Variants in IQGAP3 observed in about 807,000 individuals in gnomAD.
The protein encoded by IQGAP3 is IQ motif containing GTPase activating protein 3.
In IQGAP3, 165 loss-of-function variants were observed where a neutral mutation model predicts 208.2. The ratio of observed to expected loss-of-function variants is 0.79; its 90% CI spans 0.70 to 0.90. The LOEUF (loss-of-function observed/expected upper bound fraction) is 0.90. IQGAP3 is among the 40% of genes least tolerant of loss of function. The pLI, the probability that IQGAP3 is intolerant of heterozygous loss-of-function variation, is 0.00. For synonymous variants in IQGAP3, 703 were observed against 803.6 expected (o/e 0.87, Z 2.12); for missense variants, 1,811 against 2,043.1 (o/e 0.89, Z 2.19).
chr1:156,565,535 G>A (rs757627821), intron 4 of IQGAP3, among the ~76,000 whole-genome samples: 7 of 152,206 alleles, frequency 4.6e-5, no homozygotes, highest in Admixed American at 1.3e-4. Context: ...AGTTCACACA[G>A]ACCATGTGAT....
chr1:156,551,390 C>G (rs57042014), intron 15 of IQGAP3, among the ~76,000 whole-genome samples: 2,762 of 152,254 alleles, frequency 0.018, 45 homozygotes, highest in African/African-American at 0.044. Flanking sequence ...GTAGGACCAG[C>G]GTAGGCAGTA....
intron 12 of IQGAP3, among the ~76,000 whole-genome samples, chr1:156,555,666 T>C (rs761105290): frequency 6.6e-6 from 1 of 152,230 alleles, no homozygotes; most frequent in Admixed American, 6.5e-5. Context: ...TATTTAATCC[T>C]ATAGCCTGAG....
In IQGAP3 at chr1:156,533,001, T is replaced by C. The variant is rs758207580; in HGVS notation, c.4082A>G (p.Asn1361Ser). The change falls in exon 32 of 38, where the codon AAC (asparagine) becomes AGC (serine). Residue 1361 changes from asparagine (N) to serine (S), a missense_variant. Physicochemically the swap from Asn to Ser is conservative, Grantham distance 46 (BLOSUM62 1). Coordinates refer to ENST00000361170, the MANE Select transcript of IQGAP3 (RefSeq NM_178229.5). ...EGLEADADDS[N>S]TRSLLLSTKQ... Reference sequence around the variant, plus strand: ...CCACCTCAGAAGCAGGCTACGGGTGTTGGAGTCATCAGCATCTGCCTCTAG... The same window carrying C: ...CCACCTCAGAAGCAGGCTACGGGTGCTGGAGTCATCAGCATCTGCCTCTAG... The C allele has an allele frequency of 1.2e-6, 2 of 1,614,026 alleles. No homozygotes were observed. Among genetic ancestry groups the C allele is most frequent in the South Asian group, 1.1e-5 (1 of 91,074 alleles).
intron 2 of IQGAP3, among the ~76,000 whole-genome samples, chr1:156,568,260 G>A (rs962375814): frequency 1.3e-5 from 2 of 152,122 alleles, no homozygotes; most frequent in African/African-American, 4.8e-5. Flanking sequence ...TTTCACCCAG[G>A]CTGGAGTGCA....
In IQGAP3 at chr1:156,539,663, G is replaced by A; in HGVS notation, c.2893-126C>T. The A allele has an allele frequency of 1.2e-5, 14 of 1,206,692 alleles. No individual in the cohort carries two copies. The South Asian group carries it at 2.0e-4, about 17-fold the overall frequency. The allele number at this position is 1,206,692 out of a possible 1,614,324, so 74.7% of individuals were successfully genotyped here. A position where few individuals can be genotyped will look rare whatever the true frequency, so the allele number is the denominator to read the frequency against. On this transcript the variant is annotated intron_variant, in intron 24 of 37. Transcript: ENST00000361170. ...AAGCACTACCACACTTTCTCCAGGTGCTAGTAACATTCCAGACAAACAGGG... is the reference window on the plus strand; with the variant it reads ...AAGCACTACCACACTTTCTCCAGGTACTAGTAACATTCCAGACAAACAGGG...
chr1:156,563,956 C>T (rs1676285655), intron 5 of IQGAP3, 132 bp from the exon 6 acceptor site: 3 of 659,178 alleles, frequency 4.6e-6, no homozygotes, highest in Admixed American at 5.7e-5. Flanking sequence ...TCAAGTCATC[C>T]CCAACCCACA....
At position 156,537,306 on chromosome 1, in the gene IQGAP3, A is replaced by C. The variant is rs1429304484; in HGVS notation, c.3297T>G (p.Asp1099Glu). The C allele has an allele frequency of 1.2e-6, 2 of 1,613,080 alleles. No homozygotes were observed. Among genetic ancestry groups the C allele is most frequent in the Non-Finnish European group, 1.7e-6 (2 of 1,179,630 alleles). Residue 1099 changes from aspartate (D) to glutamate (E), a missense_variant, in exon 27 of 38, where the codon GAT (aspartate) becomes GAG (glutamate). Physicochemically the swap from Asp to Glu is conservative, Grantham distance 45. Coordinates refer to ENST00000361170, the MANE Select transcript of IQGAP3 (RefSeq NM_178229.5). ...QTGQRSHLPY[D>E]VTPEQALSHP... ...GGCTCAAGGCCTGCTCCGGGGTGAC[A>C]TCATATGGGAGATGGCTATGAGCAG...
intron 19 of IQGAP3, 143 bp from the exon 20 acceptor site, chr1:156,544,615 T>C (rs1675145906): frequency 2.9e-6 from 2 of 685,066 alleles, no homozygotes; most frequent in Non-Finnish European, 5.1e-6. Context: ...GGCCCTGTTC[T>C]CAAAGAACTT....
chr1:156,539,907 A>T lies in IQGAP3; in HGVS notation c.2823T>A (p.Gly941=), dbSNP rs77494039. The T allele has an allele frequency of 1.3e-3, 2,128 of 1,613,560 alleles. 24 individuals carry two copies. In the African/African-American group the frequency reaches 0.024, roughly 18 times the overall value. ...SDMMVLDKQK[G]LKSLSKEKRQ... ...GTTTCTCTTTGCTCAGCGACTTTAA[A>T]CCCTTCTGCTTGTCCAGAACCATCA... is the stretch of plus-strand genomic sequence containing the variant. Residue 941 remains glycine, a synonymous_variant, in exon 24 of 38, where the codon GGT becomes GGA. Coordinates refer to ENST00000361170, the MANE Select transcript of IQGAP3 (RefSeq NM_178229.5).
chr1:156,563,389 CTAA>C (rs1676253920), intron 7 of IQGAP3, 77 bp from the exon 8 acceptor site: 1 of 1,464,546 alleles, frequency 6.8e-7, no homozygotes, highest in East Asian at 2.3e-5. Context: ...GCAGCCCACT[CTAA>C]TGTCATCCTT....
At chr1:156,527,048 G>A (rs1171307909) in intron 37 of IQGAP3, among the ~76,000 whole-genome samples, 1 of 151,244 alleles carries the variant, frequency 6.6e-6, no homozygotes, top group Non-Finnish European at 1.5e-5. Context: ...GGCCAGGCTG[G>A]TCTTGAACTG....
At chr1:156,548,526 G>A (rs1675381469) in intron 17 of IQGAP3, 39 bp from the exon 18 acceptor site, 1 of 1,603,234 alleles carries the variant, frequency 6.2e-7, no homozygotes, top group Non-Finnish European at 8.5e-7. Context: ...GTTCAGAGCA[G>A]GCAAGGGGTG....
At chr1:156,559,697 AAG>A (rs1005094877) in intron 11 of IQGAP3, among the ~76,000 whole-genome samples, 1 of 152,202 alleles carries the variant, frequency 6.6e-6, no homozygotes, top group Non-Finnish European at 1.5e-5. Context: ...ACAGGACCAG[AAG>A]CCCGGTGATG....
At chr1:156,569,526 G>GTTTT (rs1676549089) in intron 1 of IQGAP3, 63 bp from the exon 2 acceptor site, 24 of 376,602 alleles carry the variant, frequency 6.4e-5, no homozygotes, top group South Asian at 4.2e-4. Flanking sequence ...GCACTGAAGG[G>GTTTT]TCTTTTTTTT....
chr1:156,568,055 G>T (rs185754002), intron 2 of IQGAP3, among the ~76,000 whole-genome samples: 3 of 152,224 alleles, frequency 2.0e-5, no homozygotes, highest in African/African-American at 4.8e-5. Context: ...AGCAGACATT[G>T]TATTCTTTCT....
rs11264496 is a variant in IQGAP3, at chr1:156,548,641, C to A, written c.1933G>T (p.Asp645Tyr). 1 of 1,611,994 alleles carries A rather than the reference C, an allele frequency of 6.2e-7. No homozygotes were observed. Among genetic ancestry groups the A allele is most frequent in the Non-Finnish European group, 8.5e-7 (1 of 1,178,774 alleles). ...PAVALRGVVPDCANGYQRALE... is the reference protein window; with the variant it reads ...PAVALRGVVPYCANGYQRALE... ...GCTCGCTGGTAGCCGTTGGCACAGT[C>A]GGGAACTACCCCTCGAAGGGCCACT... The change falls in exon 17 of 38, where the codon GAC becomes TAC. Residue 645 changes from aspartate (D) to tyrosine (Y), a missense_variant. Physicochemically the swap from Asp to Tyr is radical, Grantham distance 160. Transcript: ENST00000361170.
intron 16 of IQGAP3, 137 bp from the exon 17 acceptor site, chr1:156,548,885 A>C: frequency 1.2e-6 from 1 of 813,404 alleles, no homozygotes; most frequent in South Asian, 2.8e-5. Context: ...GGAACATCCC[A>C]GGATGGACAG....
chr1:156,529,902 G>C (rs1043432661), intron 34 of IQGAP3, among the ~76,000 whole-genome samples: 2 of 113,148 alleles, frequency 1.8e-5, no homozygotes, highest in Admixed American at 1.1e-4. Context: ...GCCTGGATGA[G>C]AGTGAGACTG....
chr1:156,572,061 A>G (rs1207968120), intron 1 of IQGAP3, among the ~76,000 whole-genome samples: 3 of 152,068 alleles, frequency 2.0e-5, no homozygotes, highest in African/African-American at 7.2e-5. Context: ...TTCCCGGGTA[A>G]TTTCACCCCC....
Sources: allele counts gnomAD v4.1 joint callset (sites outside exome capture counted in the v4.1 genomes callset), GRCh38; gene constraint gnomAD v4.1.1; transcripts MANE v1.5; gene names NCBI Gene and HGNC (gene_info 2026-07-23, HGNC 2026-07-21).